The following ZBTB16 variants were observed in gnomAD, a reference collection of about 807,000 sequenced individuals.
ZBTB16 encodes the protein zinc finger and BTB domain containing 16.
A neutral mutation model predicts 56.8 loss-of-function variants in ZBTB16; 8 were observed. The ratio of observed to expected loss-of-function variants is 0.14; its 90% CI spans 0.08 to 0.25. ZBTB16 has a LOEUF of 0.25. Ranked by LOEUF, ZBTB16 falls within the 10% of genes least tolerant of loss-of-function variation. The pLI is 1.00. For synonymous variants in ZBTB16, 363 were observed against 368.5 expected (o/e 0.98, Z 0.17); for missense variants, 625 against 903.0 (o/e 0.69, Z 3.95).
chr11:114,161,881 C>T (rs1942599852), intron 3 of ZBTB16, among the ~76,000 whole-genome samples: 1 of 152,078 alleles, frequency 6.6e-6, no homozygotes, highest in Admixed American at 6.5e-5. Flanking sequence ...TGAAGACTGG[C>T]CGTCTGTGTT....
At chr11:114,220,042 G>A (rs568219645) in intron 4 of ZBTB16, among the ~76,000 whole-genome samples, 21 of 152,372 alleles carry the variant, frequency 1.4e-4, no homozygotes, top group Admixed American at 2.6e-4. Flanking sequence ...CCAGCCTAGA[G>A]AGAGGTGAGG....
At chr11:114,191,479 A>G (rs1164368500) in intron 4 of ZBTB16, among the ~76,000 whole-genome samples, 2 of 152,184 alleles carry the variant, frequency 1.3e-5, no homozygotes, top group Non-Finnish European at 2.9e-5. Flanking sequence ...AGAAGGCCGT[A>G]CCATCTAGGC....
chr11:114,060,083 C>T lies in ZBTB16; in HGVS notation c.-91+201C>T, dbSNP rs375086286. Among the ~76,000 whole-genome samples the T allele has an allele frequency of 6.6e-6, 1 of 152,164 alleles. No individual in the cohort carries two copies. The highest frequency in any genetic ancestry group is 2.1e-4 in the South Asian group (1 of 4,836). ...TGGGGGTCGGCTAGAAGGGGGAGCCCCGGCTGTCAGCCTGGGCGCAGCTGC... is the reference window on the plus strand; with the variant it reads ...TGGGGGTCGGCTAGAAGGGGGAGCCTCGGCTGTCAGCCTGGGCGCAGCTGC... On this transcript the variant is annotated intron_variant, in intron 1 of 6. Coordinates refer to ENST00000335953, the MANE Select transcript of ZBTB16 (RefSeq NM_006006.6). The surrounding 1 kb of genome is among the most constrained non-coding windows in gnomAD (Gnocchi z 6.0).
intron 2 of ZBTB16, among the ~76,000 whole-genome samples, chr11:114,125,987 T>C (rs1941498060): frequency 6.6e-6 from 1 of 152,214 alleles, no homozygotes; most frequent in Non-Finnish European, 1.5e-5. Flanking sequence ...CTTGGAGTGA[T>C]GTGTCCTTAT....
intron 2 of ZBTB16, among the ~76,000 whole-genome samples, chr11:114,140,235 T>C (rs1941910373): frequency 6.6e-6 from 1 of 152,206 alleles, no homozygotes; most frequent in South Asian, 2.1e-4. Context: ...TGGTATCTTC[T>C]AAGCCCAGGC....
chr11:114,066,498 G>A (rs957804696), intron 2 of ZBTB16, among the ~76,000 whole-genome samples: 4 of 152,148 alleles, frequency 2.6e-5, no homozygotes, highest in Admixed American at 6.5e-5. Context: ...TGTGTGCTAT[G>A]AGAACTGGGT....
At chr11:114,175,755 C>T (rs1390966251) in intron 3 of ZBTB16, among the ~76,000 whole-genome samples, 2 of 152,024 alleles carry the variant, frequency 1.3e-5, no homozygotes, top group East Asian at 1.9e-4. Context: ...AGAATGCCAT[C>T]GAGACTGAGG....
chr11:114,064,072 G>A lies in ZBTB16; in HGVS notation c.772G>A (p.Gly258Arg), dbSNP rs1352252614. 32 of 1,613,592 alleles carry A rather than the reference G, an allele frequency of 2.0e-5. No homozygotes were observed. The highest frequency in any genetic ancestry group is 1.9e-4 in the South Asian group (17 of 91,062). Residue 258 changes from glycine (G) to arginine (R), a missense_variant, in exon 2 of 7, where the codon GGG (glycine) becomes AGG (arginine). Physicochemically the swap from Gly to Arg is moderately radical, Grantham distance 125. Coordinates refer to ENST00000335953, the MANE Select transcript of ZBTB16 (RefSeq NM_006006.6). The surrounding 1 kb of genome is among the most constrained non-coding windows in gnomAD (Gnocchi z 4.2). ...VDEVPSQDSP[G>R]AAESSISGGM... is the part of the protein sequence containing the mutation. ...TGAGGTGCCCAGCCAGGACAGCCCT[G>A]GGGCAGCCGAGTCCAGCATCTCAGG...
chr11:114,161,318 C>T (rs1198386191), intron 3 of ZBTB16, among the ~76,000 whole-genome samples: 1 of 152,170 alleles, frequency 6.6e-6, no homozygotes, highest in Non-Finnish European at 1.5e-5. Flanking sequence ...ATGTGGCCTG[C>T]TCCTATTCTG....
chr11:114,167,231 G>GTTTTTTTTTT (rs1565663129), intron 3 of ZBTB16, among the ~76,000 whole-genome samples: 1 of 43,164 alleles, frequency 2.3e-5, no homozygotes, highest in Non-Finnish European at 6.8e-5. Context: ...TTTTTTTTTT[G>GTTTTTTTTTT]GTTTTTTTTT....
rs1468736094 is a variant in ZBTB16 at position 114,090,915 on chromosome 11, T to G, written c.1268+26347T>G. On this transcript the variant is annotated intron_variant, in intron 2 of 6. Transcript: ENST00000335953. ...CTTTTTGGTTTCCACTTATTTATTT[T>G]CCCCTCTGAGTTTCAGATTTCATCC... Among the ~76,000 whole-genome samples the G allele has an allele frequency of 1.1e-4, 17 of 152,236 alleles. 3 individuals carry two copies. Among genetic ancestry groups the G allele is most frequent in the Admixed American group, 1.1e-3 (17 of 15,288 alleles).
intron 4 of ZBTB16, among the ~76,000 whole-genome samples, chr11:114,193,796 C>A (rs1330833168): frequency 6.6e-6 from 1 of 152,020 alleles, no homozygotes; most frequent in Non-Finnish European, 1.5e-5. Context: ...GAATGGAGAC[C>A]CTGGGACAGT....
chr11:114,151,613 C>T (rs966540515), intron 2 of ZBTB16, among the ~76,000 whole-genome samples: 4 of 152,228 alleles, frequency 2.6e-5, no homozygotes, highest in Admixed American at 1.3e-4. Flanking sequence ...TGTTGGTCTG[C>T]TCCAACTTGA....
At chr11:114,065,046 T>TG (rs1025264170) in intron 2 of ZBTB16, among the ~76,000 whole-genome samples, 15 of 152,136 alleles carry the variant, frequency 9.9e-5, no homozygotes, top group African/African-American at 3.6e-4. Flanking sequence ...TGGGAGGGTC[T>TG]GGGGGCTGCT....
At chr11:114,120,313 G>C (rs1164769505) in intron 2 of ZBTB16, among the ~76,000 whole-genome samples, 2 of 152,186 alleles carry the variant, frequency 1.3e-5, no homozygotes, top group Non-Finnish European at 2.9e-5. Flanking sequence ...GATGAATGGG[G>C]ACATGGGGCA....
At chr11:114,203,959 G>A (rs583647) in intron 4 of ZBTB16, among the ~76,000 whole-genome samples, 41,832 of 151,952 alleles carry the variant, frequency 0.28, 6,180 homozygotes, top group Middle Eastern at 0.41. Context: ...GGGTAGTTGC[G>A]TCTGTGTAGA....
intron 4 of ZBTB16, among the ~76,000 whole-genome samples, chr11:114,192,950 G>A (rs955845498): frequency 2.0e-5 from 3 of 152,206 alleles, no homozygotes; most frequent in Admixed American, 1.3e-4. Context: ...CTGAGTCCCC[G>A]AGGGATGAGC....
chr11:114,201,430 G>A (rs1176122773), intron 4 of ZBTB16, among the ~76,000 whole-genome samples: 3 of 152,174 alleles, frequency 2.0e-5, no homozygotes, highest in South Asian at 2.1e-4. Flanking sequence ...ACCACCGACC[G>A]CCGTGGCAGT....
At chr11:114,080,401 G>A (rs1260257815) in intron 2 of ZBTB16, among the ~76,000 whole-genome samples, 1 of 152,070 alleles carries the variant, frequency 6.6e-6, no homozygotes, top group African/African-American at 2.4e-5. Context: ...TAACAGTGCA[G>A]GGGCCTTGTG....
Sources: gnomAD v4.1 joint callset for allele counts (sites outside exome capture counted in the v4.1 genomes callset) on GRCh38, gnomAD v4.1.1 for gene constraint, Gnocchi (gnomAD v3.1) non-coding constraint, MANE v1.5 for transcripts, NCBI Gene and HGNC (gene_info 2026-07-23, HGNC 2026-07-21) for gene names.